STAC: variants seen among roughly 807,000 people sequenced by gnomAD.
The protein encoded by STAC is SH3 and cysteine rich domain, also known as SH3 and cysteine-rich domain-containing protein.
In STAC, 43 loss-of-function variants were observed where a neutral mutation model predicts 48.8. The ratio of observed to expected loss-of-function variants is 0.88; its 90% CI spans 0.69 to 1.14. The LOEUF is 1.14. STAC is among the 50% of genes most tolerant of loss of function. STAC has a pLI of 0.00. For missense variants in STAC, 497 were observed against 504.0 expected (o/e 0.99, Z 0.13); for synonymous variants, 193 against 179.5 (o/e 1.07, Z -0.60).
chr3:36,504,553 TC>T, intron 7 of STAC, 96 bp downstream of exon 7: 1 of 958,424 alleles, frequency 1.0e-6, no homozygotes, highest in South Asian at 1.4e-5. Context: ...ATTTAGTGAG[TC>T]CAGACCAGCA....
intron 1 of STAC, among the ~76,000 whole-genome samples, chr3:36,416,734 C>G (rs1700328878): frequency 6.6e-6 from 1 of 152,136 alleles, no homozygotes; most frequent in African/African-American, 2.4e-5. Context: ...ATTGTCTTCT[C>G]TATGCCATGT....
intron 1 of STAC, among the ~76,000 whole-genome samples, chr3:36,419,029 G>A (rs1294713532): frequency 7.0e-6 from 1 of 141,896 alleles, no homozygotes; most frequent in Non-Finnish European, 1.5e-5. Flanking sequence ...CCTGGGCAAC[G>A]AGAGTGAAAC....
intron 1 of STAC, among the ~76,000 whole-genome samples, chr3:36,430,499 A>G (rs554457940): frequency 1.3e-5 from 2 of 152,354 alleles, no homozygotes; most frequent in South Asian, 4.1e-4. Flanking sequence ...TTCCATCTTT[A>G]TTAACCAGTG....
intron 8 of STAC, among the ~76,000 whole-genome samples, chr3:36,510,723 C>T (rs1219657234): frequency 6.6e-6 from 1 of 151,942 alleles, no homozygotes; most frequent in Non-Finnish European, 1.5e-5. Context: ...AACCAAACGC[C>T]GCATGTTCTC....
chr3:36,505,881 G>T, intron 8 of STAC, 47 bp downstream of exon 8: 1 of 1,341,386 alleles, frequency 7.5e-7, no homozygotes, highest in Non-Finnish European at 1.0e-6. Context: ...TTTAAAGTCA[G>T]TATTTCTCCA....
intron 1 of STAC, among the ~76,000 whole-genome samples, chr3:36,399,448 C>G (rs1382506029): frequency 3.9e-5 from 6 of 152,216 alleles, no homozygotes; most frequent in Non-Finnish European, 7.3e-5. Context: ...GCCCTAGGAA[C>G]TGGGTGGTTA....
rs572513296 is a variant in STAC, at chr3:36,429,923, G to A, written c.112-13441G>A. 8.5e-5 allele frequency among the ~76,000 whole-genome samples: 13 copies of A among 152,296 alleles called. 1 individual carries two copies. The South Asian group carries it at 1.5e-3, about 17-fold the overall frequency. ...GGTCATAACACAGGTGAAAAGGGTC[G>A]GAGTCTTGGAGAGGAGAGATGAATA... is the stretch of plus-strand genomic sequence containing the variant. On this transcript the variant is annotated intron_variant, in intron 1 of 10. Transcript: ENST00000273183.
intron 1 of STAC, among the ~76,000 whole-genome samples, chr3:36,408,011 C>G (rs574934268): frequency 6.6e-6 from 1 of 152,192 alleles, no homozygotes; most frequent in Non-Finnish European, 1.5e-5. Context: ...GGAATGTGCT[C>G]AGTAACTAGA....
intron 10 of STAC, among the ~76,000 whole-genome samples, chr3:36,531,086 A>T (rs1273130769): frequency 6.6e-6 from 1 of 152,188 alleles, no homozygotes; most frequent in East Asian, 1.9e-4. Flanking sequence ...TATTTTAACA[A>T]AGGTGGAGAT....
intron 1 of STAC, among the ~76,000 whole-genome samples, chr3:36,407,354 G>A (rs1700105731): frequency 6.6e-6 from 1 of 152,200 alleles, no homozygotes; most frequent in African/African-American, 2.4e-5. Flanking sequence ...GACAATCCTG[G>A]TGGATCTCAG....
At chr3:36,534,557 G>A (rs1426296217) in intron 10 of STAC, among the ~76,000 whole-genome samples, 1 of 151,966 alleles carries the variant, frequency 6.6e-6, no homozygotes, top group Admixed American at 6.6e-5. Flanking sequence ...TACTTCTGGG[G>A]TTAATCTGTC....
intron 8 of STAC, among the ~76,000 whole-genome samples, chr3:36,514,669 G>A (rs1033049886): frequency 6.6e-6 from 1 of 152,152 alleles, no homozygotes; most frequent in African/African-American, 2.4e-5. Context: ...AATGAGTATT[G>A]TGGAGATTAA....
intron 1 of STAC, among the ~76,000 whole-genome samples, chr3:36,412,591 T>C (rs1700221691): frequency 6.6e-6 from 1 of 152,190 alleles, no homozygotes. Context: ...TACATTGTCA[T>C]TTGTCAGTTT....
At chr3:36,468,899 A>T (rs1697250736) in intron 2 of STAC, among the ~76,000 whole-genome samples, 2 of 151,814 alleles carry the variant, frequency 1.3e-5, no homozygotes, top group Admixed American at 1.3e-4. Flanking sequence ...CTTATGTAAG[A>T]ATAGCTACTC....
At chr3:36,508,610 T>C (rs1308054619) in intron 8 of STAC, among the ~76,000 whole-genome samples, 1 of 152,188 alleles carries the variant, frequency 6.6e-6, no homozygotes, top group Non-Finnish European at 1.5e-5. Flanking sequence ...GCTTTACATA[T>C]TGGGTGCATA....
intron 1 of STAC, among the ~76,000 whole-genome samples, chr3:36,403,606 G>C (rs1376326491): frequency 2.0e-5 from 3 of 151,912 alleles, no homozygotes; most frequent in Middle Eastern, 3.2e-3. Flanking sequence ...ATGTAAAAAT[G>C]ATATGTGAAA....
At chr3:36,394,152 T>C (rs1699807417) in intron 1 of STAC, among the ~76,000 whole-genome samples, 1 of 152,132 alleles carries the variant, frequency 6.6e-6, no homozygotes, top group Non-Finnish European at 1.5e-5. Flanking sequence ...TGGATCTTCA[T>C]TGTCCAATAT....
intron 1 of STAC, among the ~76,000 whole-genome samples, chr3:36,441,647 T>A (rs1696353749): frequency 6.6e-6 from 1 of 152,216 alleles, no homozygotes; most frequent in Non-Finnish European, 1.5e-5. Context: ...TAGTTCTATT[T>A]GTAGCTTTTA....
At chr3:36,412,180 C>G (rs1700209974) in intron 1 of STAC, among the ~76,000 whole-genome samples, 1 of 152,112 alleles carries the variant, frequency 6.6e-6, no homozygotes, top group African/African-American at 2.4e-5. Flanking sequence ...GCCACCTTGT[C>G]TGGTTGGTTT....
Sources: allele counts gnomAD v4.1 joint callset (sites outside exome capture counted in the v4.1 genomes callset), GRCh38; gene constraint gnomAD v4.1.1; transcripts MANE v1.5; gene names NCBI Gene and HGNC (gene_info 2026-07-23, HGNC 2026-07-21).